MAMDC2: variants seen among roughly 807,000 people sequenced by gnomAD.
MAMDC2 encodes the protein MAM domain containing 2.
In MAMDC2, 57 loss-of-function variants were observed where a neutral mutation model predicts 89.8. The ratio of observed to expected loss-of-function variants is 0.63; its 90% CI spans 0.51 to 0.79. MAMDC2 has a LOEUF of 0.79. Ranked by LOEUF, MAMDC2 falls within the 30% of genes least tolerant of loss-of-function variation. The pLI is 0.00. For missense variants in MAMDC2, 800 were observed against 820.6 expected (o/e 0.97, Z 0.31); for synonymous variants, 313 against 293.4 (o/e 1.07, Z -0.68).
chr9:70,151,412 A>T (rs1344073934), intron 9 of MAMDC2, among the ~76,000 whole-genome samples: 4 of 152,240 alleles, frequency 2.6e-5, no homozygotes, highest in African/African-American at 4.8e-5. Context: ...GGTCTTGTTC[A>T]TCTCTGTATC....
intron 11 of MAMDC2, among the ~76,000 whole-genome samples, chr9:70,207,820 G>A (rs867437704): frequency 2.0e-5 from 3 of 152,190 alleles, no homozygotes; most frequent in Admixed American, 2.0e-4. Flanking sequence ...AAGGTGTAAG[G>A]AAGGGATCCA....
intron 9 of MAMDC2, among the ~76,000 whole-genome samples, chr9:70,161,435 GA>G (rs1304569477): frequency 6.6e-6 from 1 of 152,094 alleles, no homozygotes; most frequent in Non-Finnish European, 1.5e-5. Context: ...GGTCCTTTAA[GA>G]AAAAAAGTAT....
chr9:70,167,369 T>C (rs2118519356), intron 9 of MAMDC2, among the ~76,000 whole-genome samples: 1 of 152,310 alleles, frequency 6.6e-6, no homozygotes, highest in Middle Eastern at 3.4e-3. Context: ...ATAAATTCTA[T>C]ATTCTAATGA....
intron 11 of MAMDC2, among the ~76,000 whole-genome samples, chr9:70,173,477 T>C (rs2118545478): frequency 6.6e-6 from 1 of 152,246 alleles, no homozygotes; most frequent in East Asian, 1.9e-4. Context: ...GAAAATCGGA[T>C]GGTGGAAAGG....
chr9:70,161,422 A>G (rs1251347761), intron 9 of MAMDC2, among the ~76,000 whole-genome samples: 3 of 152,220 alleles, frequency 2.0e-5, no homozygotes, highest in African/African-American at 7.2e-5. Context: ...AACTAACCAG[A>G]TGGGTCCTTT....
At chr9:70,219,938 C>G (rs1312848405) in intron 12 of MAMDC2, among the ~76,000 whole-genome samples, 1 of 152,156 alleles carries the variant, frequency 6.6e-6, no homozygotes, top group Non-Finnish European at 1.5e-5. Flanking sequence ...TGCAAATTCA[C>G]TTGAAACACA....
chr9:70,045,338 GT>G (rs924079219), intron 2 of MAMDC2, among the ~76,000 whole-genome samples: 2 of 152,156 alleles, frequency 1.3e-5, no homozygotes, highest in African/African-American at 4.8e-5. Flanking sequence ...CAAGGACAAA[GT>G]TTAAATGTGG....
At chr9:70,080,793 G>A (rs1321752489) in intron 2 of MAMDC2, among the ~76,000 whole-genome samples, 1 of 152,202 alleles carries the variant, frequency 6.6e-6, no homozygotes, top group African/African-American at 2.4e-5. Context: ...GGTCAGGAAG[G>A]TTTTAATCCC....
At position 70,056,878 on chromosome 9, in the gene MAMDC2, T is replaced by C. The variant is rs1587430284; in HGVS notation, c.148+12181T>C. On this transcript the variant is annotated intron_variant, in intron 2 of 13. Transcript: ENST00000377182. ...ATGGGAACCCTACGTAATTTGCACA[T>C]GTAAAGGATCTAGGTTGCGTGCTCC... 1.3e-5 allele frequency among the ~76,000 whole-genome samples: 2 copies of C among 152,234 alleles called. 1 individual carries two copies.
intron 11 of MAMDC2, among the ~76,000 whole-genome samples, chr9:70,190,887 A>G (rs2032863232): frequency 6.6e-6 from 1 of 152,174 alleles, no homozygotes. Flanking sequence ...AAACAGGTTA[A>G]ATAATGCCAG....
At chr9:70,138,564 C>T (rs2031086195) in intron 7 of MAMDC2, among the ~76,000 whole-genome samples, 1 of 152,168 alleles carries the variant, frequency 6.6e-6, no homozygotes. Flanking sequence ...TCCTCACCAA[C>T]ATCTGTTAAT....
intron 2 of MAMDC2, among the ~76,000 whole-genome samples, chr9:70,078,325 A>G (rs1007419878): frequency 2.0e-5 from 3 of 152,178 alleles, no homozygotes; most frequent in Non-Finnish European, 4.4e-5. Context: ...TATTTTTCAA[A>G]GTGCCCACAT....
At chr9:70,045,479 C>T (rs1444734698) in intron 2 of MAMDC2, among the ~76,000 whole-genome samples, 1 of 152,124 alleles carries the variant, frequency 6.6e-6, no homozygotes, top group African/African-American at 2.4e-5. Context: ...TTGTCACCAC[C>T]AGTGAAGCCT....
chr9:70,120,266 A>G (rs1324264354), intron 5 of MAMDC2, among the ~76,000 whole-genome samples: 1 of 151,584 alleles, frequency 6.6e-6, no homozygotes, highest in African/African-American at 2.4e-5. Context: ...ACACACACAC[A>G]CTCCAGTATC....
chr9:70,139,756 G>A lies in MAMDC2; in HGVS notation c.995-389G>A, dbSNP rs191045862. Among the ~76,000 whole-genome samples the A allele has an allele frequency of 6.9e-3, 1,050 of 152,170 alleles. 40 individuals carry two copies. Among genetic ancestry groups the A allele is most frequent in the Admixed American group, 0.053 (804 of 15,276 alleles). ...CTACCAACAGTGTAAAAGTGTTCCT[G>A]TTTCTCCACATCCTCTCCAGCACCT... is the stretch of plus-strand genomic sequence containing the variant. On this transcript the variant is annotated intron_variant, in intron 7 of 13. Coordinates refer to ENST00000377182, the MANE Select transcript of MAMDC2 (RefSeq NM_153267.5).
chr9:70,110,501 G>A (rs1187640597), intron 4 of MAMDC2, among the ~76,000 whole-genome samples: 1 of 152,138 alleles, frequency 6.6e-6, no homozygotes, highest in Non-Finnish European at 1.5e-5. Flanking sequence ...GGAGGTGCAG[G>A]GTAGGAAGGC....
intron 2 of MAMDC2, among the ~76,000 whole-genome samples, chr9:70,096,834 G>C (rs914912114): frequency 2.6e-5 from 4 of 152,064 alleles, no homozygotes; most frequent in African/African-American, 9.7e-5. Context: ...CTATTAAAGG[G>C]GGGGATCAAG....
At chr9:70,146,471 A>G (rs1563974481) in intron 9 of MAMDC2, among the ~76,000 whole-genome samples, 1 of 152,206 alleles carries the variant, frequency 6.6e-6, no homozygotes, top group Admixed American at 6.5e-5. Context: ...AGAGCAAAAG[A>G]ACCATTTGAC....
At chr9:70,122,010 T>A (rs1303796514) in intron 5 of MAMDC2, among the ~76,000 whole-genome samples, 3 of 152,242 alleles carry the variant, frequency 2.0e-5, no homozygotes, top group South Asian at 4.1e-4. Context: ...GACACCTGAA[T>A]GACAATTTCT....
Sources: allele counts gnomAD v4.1 joint callset (sites outside exome capture counted in the v4.1 genomes callset), GRCh38; gene constraint gnomAD v4.1.1; transcripts MANE v1.5; gene names NCBI Gene and HGNC (gene_info 2026-07-23, HGNC 2026-07-21).